INVS: variants seen among roughly 807,000 people sequenced by gnomAD.
INVS encodes the protein inversin, also known as inversion of embryo turning homolog.
In INVS, 86 loss-of-function variants were observed where a neutral mutation model predicts 108.8. The observed-to-expected ratio is 0.79, with a 90% CI of 0.66 to 0.95. INVS has a LOEUF of 0.95. Ranked by LOEUF, INVS falls within the 40% of genes least tolerant of loss-of-function variation. INVS has a pLI of 0.00. For missense variants in INVS, 1,169 were observed against 1,297.4 expected (o/e 0.90, Z 1.52); for synonymous variants, 455 against 473.5 (o/e 0.96, Z 0.51).
chr9:100,295,548 C>T (rs1833766293), intron 14 of INVS, among the ~76,000 whole-genome samples: 1 of 152,178 alleles, frequency 6.6e-6, no homozygotes, highest in South Asian at 2.1e-4. Flanking sequence ...GGGGTCAGGG[C>T]TGGACACTAA....
chr9:100,136,858 G>A (rs1418160067), intron 3 of INVS, among the ~76,000 whole-genome samples: 1 of 152,102 alleles, frequency 6.6e-6, no homozygotes, highest in Non-Finnish European at 1.5e-5. Flanking sequence ...TGGCCAACAT[G>A]GTGAAACCCC....
intron 4 of INVS, among the ~76,000 whole-genome samples, chr9:100,226,685 C>T (rs960997002): frequency 5.3e-5 from 8 of 151,764 alleles, no homozygotes; most frequent in African/African-American, 1.5e-4. Flanking sequence ...TGTTGGCATG[C>T]GCTTGTAATC....
intron 3 of INVS, among the ~76,000 whole-genome samples, chr9:100,192,521 A>G (rs1830253282): frequency 6.6e-6 from 1 of 152,072 alleles, no homozygotes; most frequent in Non-Finnish European, 1.5e-5. Context: ...AAAAATTAAC[A>G]CTCTTGTACA....
At chr9:100,147,127 A>G (rs1382610135) in intron 3 of INVS, among the ~76,000 whole-genome samples, 2 of 152,176 alleles carry the variant, frequency 1.3e-5, no homozygotes, top group East Asian at 1.9e-4. Flanking sequence ...TCAATTATAG[A>G]CTTAACTCTG....
In INVS at chr9:100,099,266, T is replaced by G. The variant is rs1449499304; in HGVS notation, c.-175T>G. 6.2e-6 allele frequency: 1 copy of G among 161,818 alleles called. No homozygotes were observed. Among genetic ancestry groups the G allele is most frequent in the Non-Finnish European group, 1.4e-5 (1 of 73,358 alleles). 10.0% of individuals were successfully genotyped at this position (161,818 alleles called of 1,614,324 possible). A position where few individuals can be genotyped will look rare whatever the true frequency, so the allele number is the denominator to read the frequency against. On this transcript the variant is annotated 5_prime_UTR_variant, in exon 1 of 17. Coordinates refer to ENST00000262457, the MANE Select transcript of INVS (RefSeq NM_014425.5). ...CCAGAAGGATGTGCGGCCGAAAGCC[T>G]CGGGCGGCCTTTTGAGGGGCTCGGC...
intron 10 of INVS, among the ~76,000 whole-genome samples, chr9:100,262,238 C>CA (rs71370986): frequency 4.8e-4 from 71 of 146,712 alleles, no homozygotes; most frequent in Admixed American, 9.6e-4. Flanking sequence ...CTAACCTTGT[C>CA]AAAAAAAAAA....
chr9:100,120,130 G>A (rs1278777148), intron 2 of INVS, among the ~76,000 whole-genome samples: 1 of 152,174 alleles, frequency 6.6e-6, no homozygotes, highest in Admixed American at 6.5e-5. Flanking sequence ...TGGGAGCCCT[G>A]TGTGGTGGCT....
At chr9:100,240,358 T>C in intron 6 of INVS, 118 bp downstream of exon 6, 2 of 718,248 alleles carry the variant, frequency 2.8e-6, no homozygotes, top group South Asian at 3.3e-5. Context: ...TTCTAACTGA[T>C]ATGTTGCATT....
intron 3 of INVS, among the ~76,000 whole-genome samples, chr9:100,129,251 G>A (rs1162825117): frequency 6.6e-6 from 1 of 152,160 alleles, no homozygotes; most frequent in African/African-American, 2.4e-5. Flanking sequence ...GGAGGCCAAG[G>A]TGGGTGGATC....
intron 3 of INVS, among the ~76,000 whole-genome samples, chr9:100,192,839 A>G (rs1830261556): frequency 6.6e-6 from 1 of 152,084 alleles, no homozygotes; most frequent in Non-Finnish European, 1.5e-5. Flanking sequence ...ATAATAATTT[A>G]TATATTTTCT....
At chr9:100,196,872 C>T (rs1200757256) in intron 3 of INVS, among the ~76,000 whole-genome samples, 1 of 152,014 alleles carries the variant, frequency 6.6e-6, no homozygotes, top group African/African-American at 2.4e-5. Flanking sequence ...GGAGAAAACA[C>T]ACTTCACCTG....
rs116606949 is a variant in INVS at position 100,292,567 on chromosome 9, C to T, written c.2310C>T (p.His770=). The change falls in exon 14 of 17, where the codon CAC becomes CAT. Residue 770 remains histidine (H), a synonymous_variant. Transcript: ENST00000262457. ...GGGCAGCTGCAAGCCTTCCACCGCACGATAGCCACTGGAAGCCCAGCAGGC... is the reference window on the plus strand; with the variant it reads ...GGGCAGCTGCAAGCCTTCCACCGCATGATAGCCACTGGAAGCCCAGCAGGC... ...SRRAAASLPP[H]DSHWKPSRRH... is the part of the protein sequence containing the mutation. 2,277 of 1,614,124 alleles carry T rather than the reference C, an allele frequency of 1.4e-3. 5 individuals carry two copies. The highest frequency in any genetic ancestry group is 1.7e-3 in the Non-Finnish European group (2,057 of 1,180,020).
intron 10 of INVS, among the ~76,000 whole-genome samples, chr9:100,255,415 T>G (rs1832385267): frequency 6.6e-6 from 1 of 152,320 alleles, no homozygotes; most frequent in African/African-American, 2.4e-5. Flanking sequence ...TTCTTTCTCC[T>G]GCCTGATTGC....
intron 3 of INVS, among the ~76,000 whole-genome samples, chr9:100,136,537 A>C (rs1228267410): frequency 1.3e-5 from 2 of 152,216 alleles, no homozygotes; most frequent in Non-Finnish European, 2.9e-5. Context: ...ATTATATCTC[A>C]AACATTTTTT....
At chr9:100,145,026 A>ATTTGGAACCACTG (rs1206073113) in intron 3 of INVS, among the ~76,000 whole-genome samples, 1 of 152,160 alleles carries the variant, frequency 6.6e-6, no homozygotes, top group Non-Finnish European at 1.5e-5. Flanking sequence ...TTTTCTGTCT[A>ATTTGGAACCACTG]TTTGGAACCA....
intron 3 of INVS, among the ~76,000 whole-genome samples, chr9:100,153,511 T>C (rs1828873457): frequency 6.6e-6 from 1 of 152,190 alleles, no homozygotes; most frequent in East Asian, 1.9e-4. Flanking sequence ...ATGTCTCAGA[T>C]TGGCAAAACT....
At chr9:100,165,328 C>T (rs1829327270) in intron 3 of INVS, among the ~76,000 whole-genome samples, 1 of 152,070 alleles carries the variant, frequency 6.6e-6, no homozygotes, top group South Asian at 2.1e-4. Context: ...TTCACTGTGT[C>T]TGTTTTTATG....
intron 2 of INVS, among the ~76,000 whole-genome samples, chr9:100,114,305 G>A (rs1193798546): frequency 6.8e-6 from 1 of 147,220 alleles, no homozygotes; most frequent in African/African-American, 2.5e-5. Flanking sequence ...CCACTGGTCT[G>A]TTTTCTGTCT....
intron 3 of INVS, among the ~76,000 whole-genome samples, chr9:100,146,847 A>G (rs769957767): frequency 4.6e-5 from 7 of 152,212 alleles, no homozygotes; most frequent in Non-Finnish European, 7.4e-5. Context: ...TTATTCCTTC[A>G]TCCAAGTGCT....
Sources: allele counts gnomAD v4.1 joint callset (sites outside exome capture counted in the v4.1 genomes callset), GRCh38; gene constraint gnomAD v4.1.1; transcripts MANE v1.5; gene names NCBI Gene and HGNC (gene_info 2026-07-23, HGNC 2026-07-21).